The following ZCWPW2 variants were observed in gnomAD, a reference collection of about 807,000 sequenced individuals.
The protein encoded by ZCWPW2 is zinc finger CW-type PWWP domain protein 2.
A neutral mutation model predicts 46.6 loss-of-function variants in ZCWPW2; 45 were observed. The observed-to-expected ratio is 0.96, with a 90% CI of 0.76 to 1.24. The LOEUF is 1.24. Ranked by LOEUF, ZCWPW2 falls within the 50% of genes most tolerant of loss-of-function variation. The pLI is 0.00. For synonymous variants in ZCWPW2, 152 were observed against 137.1 expected, an observed-to-expected ratio of 1.11 and a Z score of -0.76; for missense variants, 429 against 403.9, an observed-to-expected ratio of 1.06 and a Z score of -0.53.
chr3:28,509,167 A>T (rs1016348070), intron 6 of ZCWPW2, among the ~76,000 whole-genome samples: 2 of 152,196 alleles, frequency 1.3e-5, no homozygotes, highest in African/African-American at 4.8e-5. Flanking sequence ...ATGTGTCAGT[A>T]CTTCATCATT....
At chr3:28,392,230 T>C (rs1695519519) in intron 2 of ZCWPW2, among the ~76,000 whole-genome samples, 1 of 152,202 alleles carries the variant, frequency 6.6e-6, no homozygotes, top group Admixed American at 6.5e-5. Flanking sequence ...AAGGTCATTA[T>C]ATAATGATAA....
intron 6 of ZCWPW2, among the ~76,000 whole-genome samples, chr3:28,500,056 A>T (rs893339923): frequency 6.6e-6 from 1 of 152,090 alleles, no homozygotes; most frequent in African/African-American, 2.4e-5. Flanking sequence ...GGTAACACTG[A>T]TGAAAAGCTT....
intron 1 of ZCWPW2, among the ~76,000 whole-genome samples, chr3:28,353,757 A>T (rs1480670579): frequency 1.3e-5 from 2 of 152,210 alleles, no homozygotes; most frequent in African/African-American, 4.8e-5. Context: ...TGGCAGAAAC[A>T]TGGTGAAGAA....
chr3:28,468,655 T>C (rs563112756), intron 4 of ZCWPW2, among the ~76,000 whole-genome samples: 1 of 151,982 alleles, frequency 6.6e-6, no homozygotes, highest in Non-Finnish European at 1.5e-5. Context: ...CAGGAGAGAG[T>C]GGCATGACAT....
chr3:28,405,991 G>A lies in ZCWPW2; in HGVS notation c.-13-7065G>A, dbSNP rs73046747. On this transcript the variant is annotated intron_variant, in intron 2 of 9. Transcript: ENST00000383768. Reference sequence around the variant, plus strand: ...GAAAGGCCATCCTTGTTATAATGTGGCAAAGAACTTGGCTCAATTGTGTTC... The same window carrying A: ...GAAAGGCCATCCTTGTTATAATGTGACAAAGAACTTGGCTCAATTGTGTTC... Among the ~76,000 whole-genome samples, 571 of 152,284 alleles carry A rather than the reference G, an allele frequency of 3.7e-3. 1 individual carries two copies. Among genetic ancestry groups the A allele is most frequent in the Non-Finnish European group, 6.4e-3 (433 of 68,014 alleles).
At chr3:28,472,284 AG>A (rs1318380725) in intron 4 of ZCWPW2, among the ~76,000 whole-genome samples, 3 of 152,230 alleles carry the variant, frequency 2.0e-5, no homozygotes, top group African/African-American at 7.2e-5. Context: ...CCTAAGCAAA[AG>A]GAACAAAACT....
chr3:28,396,101 T>C lies in ZCWPW2; in HGVS notation c.-14+5484T>C, dbSNP rs146934370. Among the ~76,000 whole-genome samples the C allele has an allele frequency of 2.5e-3, 387 of 152,184 alleles. 1 individual carries two copies. The highest frequency in any genetic ancestry group is 8.4e-3 in the African/African-American group (351 of 41,548). On this transcript the variant is annotated intron_variant, in intron 2 of 9. Coordinates refer to ENST00000383768, the MANE Select transcript of ZCWPW2 (RefSeq NM_001040432.4). ...TCAGTAGAGAGTTTTTGAGGAAAAT[T>C]GGAAAAGCCAGAATGGATAAATCAT...
intron 1 of ZCWPW2, among the ~76,000 whole-genome samples, chr3:28,367,243 T>C (rs1705153720): frequency 1.3e-5 from 2 of 152,178 alleles, no homozygotes; most frequent in African/African-American, 4.8e-5. Context: ...TGTTAGGGTG[T>C]TAATTTTAGA....
chr3:28,363,007 T>C (rs1193895554), intron 1 of ZCWPW2, among the ~76,000 whole-genome samples: 1 of 138,502 alleles, frequency 7.2e-6, no homozygotes, highest in Non-Finnish European at 1.5e-5. Context: ...GGGAGATAAA[T>C]GATGAGACCA....
At chr3:28,429,654 G>A (rs1023567370) in intron 3 of ZCWPW2, among the ~76,000 whole-genome samples, 7 of 152,154 alleles carry the variant, frequency 4.6e-5, no homozygotes, top group Non-Finnish European at 7.4e-5. Flanking sequence ...GGTCTTCATG[G>A]TAGCCCTTCA....
Position 28,349,165 on chromosome 3 carries a change from G to A in ZCWPW2, c.-172G>A, listed in dbSNP as rs1704420000. On this transcript the variant is annotated 5_prime_UTR_variant, in exon 1 of 10. Transcript: ENST00000383768. ...AGCCTCCGCGGCGGGACGGGGCGGG[G>A]CCGCGGGACGCCAGGAGGCGGAGGC... 1.0e-6 allele frequency: 1 copy of A among 985,600 alleles called. No individual in the cohort carries two copies. The highest frequency in any genetic ancestry group is 4.7e-5 in the South Asian group (1 of 21,310). The allele number at this position is 985,600 out of a possible 1,614,324, so 61.1% of individuals were successfully genotyped here.
intron 2 of ZCWPW2, among the ~76,000 whole-genome samples, chr3:28,408,847 A>C (rs1342249655): frequency 6.6e-6 from 1 of 152,194 alleles, no homozygotes; most frequent in Non-Finnish European, 1.5e-5. Context: ...TAGACTGTCA[A>C]TACCTGCTTT....
chr3:28,400,650 G>A (rs1463598663), intron 2 of ZCWPW2, among the ~76,000 whole-genome samples: 1 of 152,122 alleles, frequency 6.6e-6, no homozygotes, highest in Non-Finnish European at 1.5e-5. Context: ...CTCCTCAAAT[G>A]AAAGAATTAT....
chr3:28,372,618 CTTTA>C (rs1268566952), intron 1 of ZCWPW2, among the ~76,000 whole-genome samples: 1 of 152,002 alleles, frequency 6.6e-6, no homozygotes, highest in African/African-American at 2.4e-5. Context: ...GCAACTTGTC[CTTTA>C]TTTTATTTTA....
At chr3:28,422,568 G>GAAT (rs1236871534) in intron 3 of ZCWPW2, among the ~76,000 whole-genome samples, 2 of 152,024 alleles carry the variant, frequency 1.3e-5, no homozygotes, top group Non-Finnish European at 2.9e-5. Flanking sequence ...TTTTGCTACT[G>GAAT]AATAATAGTC....
chr3:28,487,438 C>A (rs188274118), intron 5 of ZCWPW2, among the ~76,000 whole-genome samples: 1 of 152,220 alleles, frequency 6.6e-6, no homozygotes, highest in Admixed American at 6.5e-5. Context: ...ATTACTTTTG[C>A]TCTCAACCAT....
intron 4 of ZCWPW2, among the ~76,000 whole-genome samples, chr3:28,477,655 A>C (rs1699279615): frequency 6.6e-6 from 1 of 152,328 alleles, no homozygotes; most frequent in Admixed American, 6.5e-5. Context: ...AGAGCTTTAA[A>C]TATATAGTTT....
intron 4 of ZCWPW2, among the ~76,000 whole-genome samples, chr3:28,469,977 A>G (rs1485139102): frequency 3.3e-5 from 5 of 152,210 alleles, no homozygotes; most frequent in Non-Finnish European, 5.9e-5. Flanking sequence ...CAGAATGCAC[A>G]TTCTTTTCCT....
In ZCWPW2 at chr3:28,524,603, A is replaced by G. The variant is rs1295085219; in HGVS notation, c.986A>G (p.Asp329Gly). The G allele has an allele frequency of 1.9e-6, 3 of 1,609,460 alleles. No individual in the cohort carries two copies. Among genetic ancestry groups the G allele is most frequent in the Non-Finnish European group, 2.5e-6 (3 of 1,177,766 alleles). The change falls in exon 10 of 10, where the codon GAT becomes GGT. Residue 329 changes from aspartate (D) to glycine (G), a missense_variant. By Grantham distance (94) the Asp-to-Gly change is moderately conservative. Transcript: ENST00000383768. ...NHYEEDYLVI[D>G]GIKLKAGECI... is the part of the protein sequence containing the mutation. ...TATGAAGAGGACTATCTTGTAATTGATGGGATAAAATTAAAAGCTGGAGAA... is the reference window on the plus strand; with the variant it reads ...TATGAAGAGGACTATCTTGTAATTGGTGGGATAAAATTAAAAGCTGGAGAA...
Sources: allele counts gnomAD v4.1 joint callset (sites outside exome capture counted in the v4.1 genomes callset), GRCh38; gene constraint gnomAD v4.1.1; transcripts MANE v1.5; gene names NCBI Gene and HGNC (gene_info 2026-07-23, HGNC 2026-07-21).